Variants in CD96 observed in about 807,000 individuals in gnomAD.
The protein encoded by CD96 is CD96 molecule.
In CD96, 70 loss-of-function variants were observed where a neutral mutation model predicts 71.3. That is an observed-to-expected ratio of 0.98 (90% confidence interval 0.81 to 1.20). The LOEUF (loss-of-function observed/expected upper bound fraction) is 1.20. Among genes scored for constraint, CD96 ranks in the 50% most tolerant of loss-of-function variants. The pLI is 0.00. For synonymous variants in CD96, 248 were observed against 233.0 expected, an observed-to-expected ratio of 1.06 and a Z score of -0.59; for missense variants, 742 against 677.5, an observed-to-expected ratio of 1.10 and a Z score of -1.06.
intron 7 of CD96, 42 bp downstream of exon 7, chr3:111,600,956 A>G: frequency 8.0e-7 from 1 of 1,248,302 alleles, no homozygotes; most frequent in South Asian, 1.2e-5. Flanking sequence ...GTTTGCTAAG[A>G]CTGCCATAAA....
At chr3:111,644,472 G>A (rs557323383) in intron 12 of CD96, among the ~76,000 whole-genome samples, 318 of 151,850 alleles carry the variant, frequency 2.1e-3, no homozygotes, top group South Asian at 3.3e-3. Context: ...GCACCCAAAA[G>A]CAAATGCAAT....
intron 12 of CD96, among the ~76,000 whole-genome samples, chr3:111,645,477 A>G (rs1417031429): frequency 6.6e-6 from 1 of 152,076 alleles, no homozygotes; most frequent in African/African-American, 2.4e-5. Context: ...TAAAGAACTT[A>G]CTCATATAAT....
At chr3:111,607,880 G>T (rs1317907324) in intron 8 of CD96, among the ~76,000 whole-genome samples, 1 of 151,978 alleles carries the variant, frequency 6.6e-6, no homozygotes, top group Non-Finnish European at 1.5e-5. Flanking sequence ...CTCACTGCCG[G>T]TTAATCATGG....
intron 5 of CD96, chr3:111,593,733 C>T (rs372487455): frequency 5.3e-5 from 85 of 1,614,104 alleles, no homozygotes; most frequent in Admixed American, 1.8e-4. Context: ...ACCTCCTTTT[C>T]CCTTTGGCTG....
chr3:111,601,350 G>C (rs1937489297), intron 7 of CD96, among the ~76,000 whole-genome samples: 1 of 152,124 alleles, frequency 6.6e-6, no homozygotes, highest in Non-Finnish European at 1.5e-5. Context: ...TGGATAAAAT[G>C]TGTACAATAA....
At chr3:111,625,100 G>T (rs1382742301) in intron 10 of CD96, among the ~76,000 whole-genome samples, 2 of 152,216 alleles carry the variant, frequency 1.3e-5, no homozygotes, top group Non-Finnish European at 2.9e-5. Flanking sequence ...AGCGTAATGT[G>T]TATGTCCCTT....
chr3:111,645,803 CA>C (rs935023289), intron 12 of CD96, among the ~76,000 whole-genome samples: 13 of 152,084 alleles, frequency 8.5e-5, no homozygotes, highest in African/African-American at 2.9e-4. Context: ...TCTACTTTGA[CA>C]GGGGTGAGAA....
chr3:111,576,059 A>G (rs1936207427), intron 3 of CD96, among the ~76,000 whole-genome samples: 1 of 152,240 alleles, frequency 6.6e-6, no homozygotes, highest in Non-Finnish European at 1.5e-5. Context: ...ATAAGCTTGT[A>G]TTATTGAACA....
At chr3:111,586,606 C>A (rs1936726412) in intron 5 of CD96, among the ~76,000 whole-genome samples, 2 of 152,142 alleles carry the variant, frequency 1.3e-5, no homozygotes, top group African/African-American at 2.4e-5. Context: ...CTGGGGAAGC[C>A]TGACAATCAT....
chr3:111,635,763 T>G (rs1939297855), intron 10 of CD96, among the ~76,000 whole-genome samples: 1 of 152,236 alleles, frequency 6.6e-6, no homozygotes, highest in South Asian at 2.1e-4. Flanking sequence ...CCATTTAGAC[T>G]TTAGCGTAAA....
rs774149026 is a variant in CD96, at chr3:111,603,767, A to C, written c.1087+2853A>C. 3.3e-5 allele frequency among the ~76,000 whole-genome samples: 5 copies of C among 152,294 alleles called. No individual in the cohort carries two copies. The South Asian group carries it at 1.0e-3, about 32-fold the overall frequency. On this transcript the variant is annotated intron_variant, in intron 7 of 13. Transcript: ENST00000352690. Reference sequence around the variant, plus strand: ...TAGGTGTATGTGTGTGTAAGTATGCATGTGTATCTTCGCATGTAGAAAGAG... The same window carrying C: ...TAGGTGTATGTGTGTGTAAGTATGCCTGTGTATCTTCGCATGTAGAAAGAG...
intron 10 of CD96, among the ~76,000 whole-genome samples, chr3:111,631,078 T>G (rs1939037501): frequency 6.6e-6 from 1 of 152,180 alleles, no homozygotes; most frequent in African/African-American, 2.4e-5. Flanking sequence ...GCATTCCCCT[T>G]GAAAACCGGT....
At chr3:111,585,526 G>A (rs1936671873) in intron 5 of CD96, 148 bp downstream of exon 5, 2 of 636,322 alleles carry the variant, frequency 3.1e-6, no homozygotes, top group Non-Finnish European at 5.9e-6. Context: ...AAGCTGGGTT[G>A]TTTCTAGAAA....
At chr3:111,617,138 ATGGGCTGAGGGCAGC>A (rs1938282365) in intron 8 of CD96, among the ~76,000 whole-genome samples, 1 of 152,134 alleles carries the variant, frequency 6.6e-6, no homozygotes, top group Non-Finnish European at 1.5e-5. Context: ...GCAGGTGGAG[ATGGGCTGAGGGCAGC>A]TGGGTGCAGG....
At chr3:111,552,846 T>C (rs1242876881) in intron 2 of CD96, among the ~76,000 whole-genome samples, 1 of 152,146 alleles carries the variant, frequency 6.6e-6, no homozygotes, top group Non-Finnish European at 1.5e-5. Flanking sequence ...GAAACAACTA[T>C]AAAAGCTTTA....
intron 10 of CD96, among the ~76,000 whole-genome samples, chr3:111,629,805 A>G (rs1483556406): frequency 6.6e-6 from 1 of 152,224 alleles, no homozygotes; most frequent in Non-Finnish European, 1.5e-5. Context: ...AATGGAAATC[A>G]TAACAAAGTC....
chr3:111,606,893 A>T, intron 8 of CD96, 101 bp downstream of exon 8: 1 of 784,400 alleles, frequency 1.3e-6, no homozygotes, highest in Non-Finnish European at 2.3e-6. Context: ...CTTAGCTATG[A>T]CTTTTTTGGG....
At chr3:111,630,893 A>G (rs1034193780) in intron 10 of CD96, among the ~76,000 whole-genome samples, 6 of 152,250 alleles carry the variant, frequency 3.9e-5, no homozygotes, top group Non-Finnish European at 7.3e-5. Context: ...CATAAACAGA[A>G]CTAAAGACAG....
chr3:111,561,531 G>A (rs1333877200), intron 2 of CD96, among the ~76,000 whole-genome samples: 58 of 145,764 alleles, frequency 4.0e-4, no homozygotes, highest in Admixed American at 7.8e-4. Flanking sequence ...GGGGGTCAGG[G>A]GTCAGGGACC....
Sources: gnomAD v4.1 joint callset for allele counts (sites outside exome capture counted in the v4.1 genomes callset) on GRCh38, gnomAD v4.1.1 for gene constraint, MANE v1.5 for transcripts, NCBI Gene and HGNC (gene_info 2026-07-23, HGNC 2026-07-21) for gene names.